Variants in CEP192 observed in about 807,000 individuals in gnomAD.
The protein encoded by CEP192 is centrosomal protein of 192 kDa.
Under a neutral mutation model 271.8 loss-of-function variants are expected in CEP192, and 151 were observed. The observed-to-expected ratio is 0.56, with a 90% CI of 0.49 to 0.64. The LOEUF (loss-of-function observed/expected upper bound fraction) is 0.64. Ranked by LOEUF, CEP192 falls within the 30% of genes least tolerant of loss-of-function variation. The probability of loss-of-function intolerance (pLI) is 0.00; values close to 1 mark genes in which losing one functional copy is unlikely to be tolerated. For missense variants in CEP192, 2,910 were observed against 3,020.5 expected (o/e 0.96, Z 0.86); for synonymous variants, 995 against 1,076.5 (o/e 0.92, Z 1.48).
chr18:12,993,756 G>C (rs1230581960), intron 1 of CEP192, among the ~76,000 whole-genome samples: 1 of 151,972 alleles, frequency 6.6e-6, no homozygotes, highest in African/African-American at 2.4e-5. Context: ...CTCTCTTTCA[G>C]CCTCAGTTTC....
intron 34 of CEP192, among the ~76,000 whole-genome samples, chr18:13,094,087 A>G (rs1486245647): frequency 6.6e-6 from 1 of 152,210 alleles, no homozygotes; most frequent in Non-Finnish European, 1.5e-5. Context: ...TTTTGGTAGG[A>G]ATGATGCTGT....
intron 18 of CEP192, among the ~76,000 whole-genome samples, chr18:13,054,162 A>G (rs529279748): frequency 6.6e-6 from 1 of 152,322 alleles, no homozygotes; most frequent in Admixed American, 6.5e-5. Context: ...TCCAACAGCA[A>G]TGAGGAAGGA....
At chr18:13,063,948 G>A (rs904925222) in intron 21 of CEP192, among the ~76,000 whole-genome samples, 4 of 151,394 alleles carry the variant, frequency 2.6e-5, no homozygotes. Flanking sequence ...AGCCTCCCGA[G>A]TAGCTGGGAT....
chr18:13,061,800 C>A (rs1479788308), intron 21 of CEP192, among the ~76,000 whole-genome samples: 1 of 152,208 alleles, frequency 6.6e-6, no homozygotes, highest in Non-Finnish European at 1.5e-5. Flanking sequence ...AGCAGCGGCC[C>A]TGGCCTCTAC....
chr18:13,008,705 T>TC, intron 4 of CEP192, 74 bp downstream of exon 4: 1 of 938,212 alleles, frequency 1.1e-6, no homozygotes, highest in Non-Finnish European at 1.5e-6. Flanking sequence ...TCTTTGGATT[T>TC]TTTTTTTTTT....
Position 12,998,050 on chromosome 18 carries a change from ACTT to A in CEP192, c.-4-1364_-4-1362del, listed in dbSNP as rs1033701947. Among the ~76,000 whole-genome samples the A allele has an allele frequency of 1.6e-4, 24 of 152,066 alleles. 2 individuals are homozygous for A. The highest frequency in any genetic ancestry group is 3.4e-3 in the Middle Eastern group (1 of 294). ...TCATAATCTCTTTAGTGGTCATAAAACTTCTTCTTTTTCTTTTTATATTTTATA... is the reference window on the plus strand; with the variant it reads ...TCATAATCTCTTTAGTGGTCATAAAACTTCTTTTTCTTTTTATATTTTATA... On this transcript the variant is annotated intron_variant, in intron 1 of 44. Transcript: ENST00000506447.
At chr18:12,996,669 G>A (rs2033264825) in intron 1 of CEP192, among the ~76,000 whole-genome samples, 1 of 152,144 alleles carries the variant, frequency 6.6e-6, no homozygotes, top group Non-Finnish European at 1.5e-5. Context: ...CCAAGGAGAA[G>A]GGAAAGCAGC....
chr18:13,023,064 ATTT>A (rs1282656660), intron 9 of CEP192, among the ~76,000 whole-genome samples: 1 of 152,052 alleles, frequency 6.6e-6, no homozygotes, highest in Non-Finnish European at 1.5e-5. Context: ...AGTTCCAGGA[ATTT>A]TTTTGTCAGT....
At chr18:13,018,884 T>G (rs1437664038) in intron 8 of CEP192, among the ~76,000 whole-genome samples, 198 bp from the exon 9 acceptor site, 1 of 152,158 alleles carries the variant, frequency 6.6e-6, no homozygotes, top group African/African-American at 2.4e-5. Flanking sequence ...ATGAATTCTT[T>G]GGGTATGGTA....
intron 24 of CEP192, 70 bp downstream of exon 24, chr18:13,068,492 T>A (rs2037834219): frequency 8.1e-7 from 1 of 1,238,432 alleles, no homozygotes; most frequent in Non-Finnish European, 1.2e-6. Flanking sequence ...TGAGATGTAT[T>A]TCCTTTGTCA....
At chr18:13,104,850 G>A in intron 39 of CEP192, 134 bp from the exon 40 acceptor site, 1 of 685,366 alleles carries the variant, frequency 1.5e-6, no homozygotes, top group Non-Finnish European at 2.6e-6. Flanking sequence ...CCCATTTTGG[G>A]AATACCTTGT....
intron 17 of CEP192, among the ~76,000 whole-genome samples, chr18:13,051,789 C>G (rs1450501873): frequency 6.6e-6 from 1 of 152,218 alleles, no homozygotes; most frequent in Admixed American, 6.5e-5. Context: ...TTGATCCACC[C>G]TCCTCGGCCT....
Position 13,117,830 on chromosome 18 carries a change from C to T in CEP192, c.7475+187C>T, listed in dbSNP as rs542625728. ...AGCCTGCAGGGGGACAGCTCCTGAC[C>T]GTCCGTGGTGCACTCAGCGGTGCCA... On this transcript the variant is annotated intron_variant, in intron 44 of 44. Transcript: ENST00000506447. Among the ~76,000 whole-genome samples the T allele has an allele frequency of 7.2e-5, 11 of 152,276 alleles. 1 individual carries two copies. In the South Asian group the frequency reaches 1.2e-3, roughly 17 times the overall value.
chr18:13,017,086 A>T, intron 6 of CEP192, 102 bp from the exon 7 acceptor site: 3 of 818,992 alleles, frequency 3.7e-6, no homozygotes, highest in Non-Finnish European at 5.5e-6. Flanking sequence ...CCAAAATCTT[A>T]GTCCATTGAC....
At position 13,063,028 on chromosome 18, in the gene CEP192, TTCCA is replaced by T; in HGVS notation, c.4488+3722_4488+3725del. Among the ~76,000 whole-genome samples, 2 of 152,356 alleles carry T rather than the reference TTCCA, an allele frequency of 1.3e-5. 1 individual carries two copies. The highest frequency in any genetic ancestry group is 3.9e-4 in the East Asian group (2 of 5,192). The stretch of plus-strand genomic sequence containing the variant: ...TTTCACTTAACATAATGATCTCCAG[TTCCA>T]TCCATGTTGTTGCAAATGACTGGAT... On this transcript the variant is annotated intron_variant, in intron 21 of 44. Transcript: ENST00000506447.
chr18:13,116,860 C>T (rs1432276071), intron 43 of CEP192, among the ~76,000 whole-genome samples: 3 of 152,136 alleles, frequency 2.0e-5, no homozygotes, highest in South Asian at 2.1e-4. Context: ...CTGCCTGCCT[C>T]GGCCTCCCAA....
chr18:13,068,183 G>A lies in CEP192; in HGVS notation c.4704G>A (p.Arg1568=), dbSNP rs1014242864. Residue 1568 remains arginine (R), a synonymous_variant, in exon 23 of 45, where the codon CGG becomes CGA. Coordinates refer to ENST00000506447, the MANE Select transcript of CEP192 (RefSeq NM_032142.4). ...EVAPCADVVT[R]LAGPSVVNHM... is the part of the protein sequence containing the mutation. ...CTCCTTGCGCTGATGTGGTCACTCG[G>A]CTAGCAGGCCCTTCTGTGGTCAACC... The A allele has an allele frequency of 6.8e-6, 11 of 1,614,124 alleles. No homozygotes were observed. The South Asian group carries it at 8.8e-5, about 13-fold the overall frequency.
At chr18:13,024,166 T>C (rs572857800) in intron 9 of CEP192, among the ~76,000 whole-genome samples, 1 of 152,364 alleles carries the variant, frequency 6.6e-6, no homozygotes, top group East Asian at 1.9e-4. Flanking sequence ...ATTTTGATGC[T>C]GTCTTGTAAG....
In CEP192 at chr18:13,052,990, T is replaced by C; in HGVS notation, c.3089T>C (p.Leu1030Ser). 2 of 1,613,958 alleles carry C rather than the reference T, an allele frequency of 1.2e-6. No homozygotes were observed. The highest frequency in any genetic ancestry group is 1.7e-6 in the Non-Finnish European group (2 of 1,179,880). ...CCCTGTGAGCAGGAGTTGTCTCCCTTGGTGTGCTCGCCTGCTGGGGTGAGC... is the reference window on the plus strand; with the variant it reads ...CCCTGTGAGCAGGAGTTGTCTCCCTCGGTGTGCTCGCCTGCTGGGGTGAGC... ...QPPCEQELSP[L>S]VCSPAGVSRL... is the part of the protein sequence containing the mutation. Residue 1030 changes from leucine (L) to serine (S), a missense_variant, in exon 18 of 45, where the codon TTG becomes TCG. Coordinates refer to ENST00000506447, the MANE Select transcript of CEP192 (RefSeq NM_032142.4).
Sources: gnomAD v4.1 joint callset for allele counts (sites outside exome capture counted in the v4.1 genomes callset) on GRCh38, gnomAD v4.1.1 for gene constraint, MANE v1.5 for transcripts, NCBI Gene and HGNC (gene_info 2026-07-23, HGNC 2026-07-21) for gene names.